KDM4B: variants seen among roughly 807,000 people sequenced by gnomAD.
The protein encoded by KDM4B is lysine demethylase 4B, also known as lysine-specific demethylase 4B.
Under a neutral mutation model 125.2 loss-of-function variants are expected in KDM4B, and 32 were observed. The observed-to-expected ratio is 0.26, with a 90% CI of 0.19 to 0.34. KDM4B has a LOEUF of 0.34. Among genes scored for constraint, KDM4B ranks in the 10% least tolerant of loss-of-function variants. The probability of loss-of-function intolerance (pLI) is 1.00; values close to 1 mark genes in which losing one functional copy is unlikely to be tolerated. For synonymous variants in KDM4B, 721 were observed against 677.9 expected, an observed-to-expected ratio of 1.06 and a Z score of -0.99; for missense variants, 1,190 against 1,577.7, an observed-to-expected ratio of 0.75 and a Z score of 4.16.
At chr19:5,135,647 C>G in intron 15 of KDM4B, 86 bp downstream of exon 15, 1 of 1,157,508 alleles carries the variant, frequency 8.6e-7, no homozygotes, top group Non-Finnish European at 1.2e-6. Flanking sequence ...TCCTCCCCTG[C>G]GGAGGGCCAC....
chr19:4,973,911 C>T (rs2145283416), intron 1 of KDM4B, among the ~76,000 whole-genome samples: 1 of 150,994 alleles, frequency 6.6e-6, no homozygotes, highest in East Asian at 2.0e-4. Context: ...GGGCGGATCA[C>T]CTGAGGTCAG....
At chr19:5,079,962 A>G (rs184673482) in intron 8 of KDM4B, among the ~76,000 whole-genome samples, 176 of 152,300 alleles carry the variant, frequency 1.2e-3, no homozygotes, top group Non-Finnish European at 2.0e-3. Flanking sequence ...GCTGGCCCAG[A>G]GAACCCCACG....
At chr19:5,072,311 C>T (rs532951712) in intron 7 of KDM4B, among the ~76,000 whole-genome samples, 25 of 152,294 alleles carry the variant, frequency 1.6e-4, no homozygotes, top group Admixed American at 9.2e-4. Flanking sequence ...TGCCCAAGCG[C>T]GGCAGATTCG....
intron 1 of KDM4B, among the ~76,000 whole-genome samples, chr19:5,001,149 G>A (rs1170951835): frequency 1.3e-5 from 2 of 151,516 alleles, no homozygotes; most frequent in East Asian, 1.9e-4. Context: ...CTGCCACTTC[G>A]GCCTCCTGAC....
chr19:4,970,316 T>G (rs2034210755), intron 1 of KDM4B, among the ~76,000 whole-genome samples: 1 of 152,226 alleles, frequency 6.6e-6, no homozygotes, highest in Non-Finnish European at 1.5e-5. Context: ...TGTGAGGAAG[T>G]GTTCCCCGAG....
chr19:4,988,252 G>A (rs919045238), intron 1 of KDM4B, among the ~76,000 whole-genome samples: 1 of 152,200 alleles, frequency 6.6e-6, no homozygotes, highest in African/African-American at 2.4e-5. Context: ...GGACGCGCTG[G>A]AAACCAGCCT....
chr19:5,085,406 T>C (rs531752702), intron 9 of KDM4B, among the ~76,000 whole-genome samples: 2 of 152,308 alleles, frequency 1.3e-5, no homozygotes, highest in African/African-American at 2.4e-5. Flanking sequence ...CAGCAGCAGA[T>C]TGAGCTGTAA....
intron 1 of KDM4B, among the ~76,000 whole-genome samples, chr19:5,001,611 G>A (rs1423067629): frequency 6.6e-6 from 1 of 152,236 alleles, no homozygotes; most frequent in Non-Finnish European, 1.5e-5. Context: ...TCGTGAGTGG[G>A]ATTGCTGGGT....
chr19:5,051,585 G>C (rs2037225135), intron 6 of KDM4B, among the ~76,000 whole-genome samples: 1 of 152,232 alleles, frequency 6.6e-6, no homozygotes, highest in South Asian at 2.1e-4. Context: ...GCTCCAAGGC[G>C]GCGAGAGGAA....
intron 1 of KDM4B, among the ~76,000 whole-genome samples, chr19:5,012,526 A>G (rs548852293): frequency 9.2e-5 from 14 of 152,020 alleles, no homozygotes; most frequent in Non-Finnish European, 1.6e-4. Flanking sequence ...CTCGTGGCCC[A>G]TGGCCCTCTC....
intron 1 of KDM4B, among the ~76,000 whole-genome samples, chr19:4,993,673 C>G (rs968628153): frequency 6.6e-6 from 1 of 151,592 alleles, no homozygotes; most frequent in Admixed American, 6.6e-5. Flanking sequence ...TGCAGTGTTG[C>G]GATCATGGCT....
chr19:5,007,735 T>G (rs939462359), intron 1 of KDM4B, among the ~76,000 whole-genome samples: 2 of 151,922 alleles, frequency 1.3e-5, no homozygotes, highest in African/African-American at 4.8e-5. Context: ...TTATTTTTTG[T>G]GGAGATGGCA....
intron 10 of KDM4B, among the ~76,000 whole-genome samples, chr19:5,116,481 A>G (rs761761438): frequency 7.2e-5 from 11 of 152,180 alleles, no homozygotes; most frequent in Non-Finnish European, 1.6e-4. Flanking sequence ...CTGCTGCAGG[A>G]TGTGCTCCAG....
intron 21 of KDM4B, among the ~76,000 whole-genome samples, chr19:5,147,909 G>A (rs937046202): frequency 4.6e-5 from 7 of 152,288 alleles, no homozygotes; most frequent in South Asian, 2.1e-4. Context: ...GCAAACGCCC[G>A]CTGTGTGGTG....
Position 5,123,866 on chromosome 19 carries a change from G to A in KDM4B, c.1315+4014G>A, listed in dbSNP as rs537533040. ...GTGAGCCCCAGGCGAGGTCGGCAGG[G>A]GAGTGGGGGATGGGCGCAGTTCAGG... On this transcript the variant is annotated intron_variant, in intron 11 of 22. Coordinates refer to ENST00000159111, the MANE Select transcript of KDM4B (RefSeq NM_015015.3). Among the ~76,000 whole-genome samples the A allele has an allele frequency of 1.2e-4, 18 of 152,274 alleles. No individual in the cohort carries two copies. In the South Asian group the frequency reaches 1.9e-3, roughly 16 times the overall value.
intron 6 of KDM4B, among the ~76,000 whole-genome samples, chr19:5,063,702 G>A (rs1355516192): frequency 6.6e-6 from 1 of 152,230 alleles, no homozygotes; most frequent in Non-Finnish European, 1.5e-5. Context: ...GCGGTGAATA[G>A]GTCCTCAGGT....
rs1368247729 is a variant in KDM4B at position 5,114,016 on chromosome 19, T to C, written c.1115+3198T>C. The C allele has an allele frequency of 7.8e-7, 1 of 1,277,042 alleles. No individual in the cohort carries two copies. Among genetic ancestry groups the C allele is most frequent in the Admixed American group, 2.4e-5 (1 of 41,934 alleles). The allele number at this position is 1,277,042 out of a possible 1,614,324, so 79.1% of individuals were successfully genotyped here. ...CGTTGAGCGAGCGTTGGGGGCTGTT[T>C]GTATTCTTCCCCCTGATGGATGGGT... On this transcript the variant is annotated intron_variant, in intron 10 of 22. Coordinates refer to ENST00000159111, the MANE Select transcript of KDM4B (RefSeq NM_015015.3). The surrounding 1 kb of genome is among the most constrained non-coding windows in gnomAD (Gnocchi z 5.8).
At chr19:5,006,811 C>T (rs2035576105) in intron 1 of KDM4B, among the ~76,000 whole-genome samples, 1 of 151,964 alleles carries the variant, frequency 6.6e-6, no homozygotes, top group African/African-American at 2.4e-5. Flanking sequence ...AAGAGGGTAA[C>T]CAGCCCTGGA....
At position 5,070,779 on chromosome 19, in the gene KDM4B, G is replaced by A. The variant is rs1180628528; in HGVS notation, c.627-231G>A. On this transcript the variant is annotated intron_variant, in intron 6 of 22. Coordinates refer to ENST00000159111, the MANE Select transcript of KDM4B (RefSeq NM_015015.3). ...CTTTCTGAGTGTGTCACAAGCCACC[G>A]AGCCATGGTCCTCACTCCCCGCTCC... 1.9e-5 allele frequency: 9 copies of A among 462,866 alleles called. No homozygotes were observed. The East Asian group carries it at 2.2e-4, about 11-fold the overall frequency. The allele number at this position is 462,866 out of a possible 1,614,324, so 28.7% of individuals were successfully genotyped here. A position where few individuals can be genotyped will look rare whatever the true frequency, so the allele number is the denominator to read the frequency against.
Sources: gnomAD v4.1 joint callset for allele counts (sites outside exome capture counted in the v4.1 genomes callset) on GRCh38, gnomAD v4.1.1 for gene constraint, Gnocchi (gnomAD v3.1) non-coding constraint, MANE v1.5 for transcripts, NCBI Gene and HGNC (gene_info 2026-07-23, HGNC 2026-07-21) for gene names.